Variants in SLC6A15 observed in about 807,000 individuals in gnomAD.
SLC6A15 encodes solute carrier family 6 member 15, also known as sodium-dependent neutral amino acid transporter B(0)AT2.
SLC6A15 carries 33 observed loss-of-function variants against 68.5 expected under a neutral mutation model. The ratio of observed to expected loss-of-function variants is 0.48; its 90% CI spans 0.37 to 0.64. The LOEUF is 0.64. Ranked by LOEUF, SLC6A15 falls within the 30% of genes least tolerant of loss-of-function variation. The pLI is 0.00. For missense variants in SLC6A15, 747 were observed against 874.3 expected, an observed-to-expected ratio of 0.85 and a Z score of 1.84; for synonymous variants, 347 against 301.0, an observed-to-expected ratio of 1.15 and a Z score of -1.58.
chr12:84,898,746 G>A (rs1267832362), intron 1 of SLC6A15, among the ~76,000 whole-genome samples: 1 of 152,134 alleles, frequency 6.6e-6, no homozygotes, highest in Non-Finnish European at 1.5e-5. Flanking sequence ...CTGATTTGTT[G>A]TAGATGCTTC....
intron 1 of SLC6A15, among the ~76,000 whole-genome samples, chr12:84,894,864 A>T (rs1346189634): frequency 1.3e-5 from 2 of 152,074 alleles, no homozygotes; most frequent in Non-Finnish European, 2.9e-5. Flanking sequence ...ATTATATCAT[A>T]AACACTTTGA....
At chr12:84,867,654 T>TATAATACATATTATAA (rs1871117960) in intron 9 of SLC6A15, 1 of 152,162 alleles carries the variant, frequency 6.6e-6, no homozygotes, top group Admixed American at 6.5e-5. Context: ...TATTATGAAA[T>TATAATACATATTATAA]ATACATATTA....
intron 2 of SLC6A15, 116 bp from the exon 3 acceptor site, chr12:84,886,184 G>T: frequency 1.7e-6 from 1 of 578,266 alleles, no homozygotes; most frequent in Non-Finnish European, 2.7e-6. Flanking sequence ...ATTATGGAGA[G>T]CTCTGAAGAA....
chr12:84,875,683 TATATATATATATATATG>T (rs1489753811), intron 6 of SLC6A15, among the ~76,000 whole-genome samples: 4,697 of 8,528 alleles, frequency 0.55, 727 homozygotes, highest in East Asian at 0.72. Flanking sequence ...TATATATATA[TATATATATATATATATG>T]AGAATCAAAA....
chr12:84,887,823 T>C (rs1165307351), intron 2 of SLC6A15, among the ~76,000 whole-genome samples: 1 of 152,110 alleles, frequency 6.6e-6, no homozygotes, highest in African/African-American at 2.4e-5. Context: ...CAAATTCTTC[T>C]ATAGAAAACA....
chr12:84,877,841 A>AT (rs375496003), intron 5 of SLC6A15, among the ~76,000 whole-genome samples: 1 of 152,028 alleles, frequency 6.6e-6, no homozygotes, highest in Non-Finnish European at 1.5e-5. Context: ...TTCTGTGTTT[A>AT]TTTTTTGTAT....
At chr12:84,869,222 G>A (rs1441821829) in intron 9 of SLC6A15, among the ~76,000 whole-genome samples, 48 of 152,004 alleles carry the variant, frequency 3.2e-4, no homozygotes, top group Non-Finnish European at 4.4e-5. Flanking sequence ...CACTTTGGGA[G>A]GCCAAGGCGG....
chr12:84,862,143 G>T, intron 11 of SLC6A15, 137 bp from the exon 12 acceptor site: 1 of 825,826 alleles, frequency 1.2e-6, no homozygotes. Context: ...GAAAGCAGTA[G>T]AAGTGACACT....
intron 1 of SLC6A15, among the ~76,000 whole-genome samples, chr12:84,893,920 G>A (rs1872530935): frequency 6.6e-6 from 1 of 152,132 alleles, no homozygotes; most frequent in Admixed American, 6.5e-5. Context: ...AATATTTTGA[G>A]TGATAGACAC....
At chr12:84,907,955 C>T (rs1463918949) in intron 1 of SLC6A15, among the ~76,000 whole-genome samples, 2 of 152,122 alleles carry the variant, frequency 1.3e-5, no homozygotes, top group African/African-American at 4.8e-5. Flanking sequence ...TGTATGATTA[C>T]ATTTATATAA....
chr12:84,862,032 T>C, intron 11 of SLC6A15, 26 bp from the exon 12 acceptor site: 2 of 1,536,442 alleles, frequency 1.3e-6, no homozygotes, highest in Non-Finnish European at 8.7e-7. Flanking sequence ...ATAATAATTA[T>C]TAGTAATCTA....
At position 84,875,272 on chromosome 12, in the gene SLC6A15, G is replaced by T. The variant is rs570401970; in HGVS notation, c.867+1225C>A. Among the ~76,000 whole-genome samples, 14 of 151,730 alleles carry T rather than the reference G, an allele frequency of 9.2e-5. No homozygotes were observed. The South Asian group carries it at 2.7e-3, about 29-fold the overall frequency. On this transcript the variant is annotated intron_variant, in intron 6 of 11. Coordinates refer to ENST00000266682, the MANE Select transcript of SLC6A15 (RefSeq NM_182767.6). Reference sequence around the variant, plus strand: ...TGTAGCAGATTTAAATTATAGTGTGGCTGAAACTCGTAAATCTTAACTAGT... The same window carrying T: ...TGTAGCAGATTTAAATTATAGTGTGTCTGAAACTCGTAAATCTTAACTAGT...
intron 4 of SLC6A15, among the ~76,000 whole-genome samples, chr12:84,884,554 C>T (rs977361064): frequency 2.0e-5 from 3 of 152,084 alleles, no homozygotes; most frequent in African/African-American, 7.2e-5. Context: ...GCTCTACCTG[C>T]CTCGACCTCC....
At chr12:84,911,109 G>A (rs1418748629) in intron 1 of SLC6A15, among the ~76,000 whole-genome samples, 1 of 152,140 alleles carries the variant, frequency 6.6e-6, no homozygotes, top group Non-Finnish European at 1.5e-5. Flanking sequence ...CAGAAATGAG[G>A]TTGGGTGGGT....
chr12:84,883,070 CAG>C (rs1871898516), intron 5 of SLC6A15: 2 of 981,080 alleles, frequency 2.0e-6, no homozygotes, highest in Non-Finnish European at 2.4e-6. Flanking sequence ...AGTTAAACGG[CAG>C]AGAGAAGAGC....
rs67339994 is a variant in SLC6A15, at chr12:84,895,339, ATTTTTTT to A, written c.-188-3038_-188-3032del. Among the ~76,000 whole-genome samples, 546 of 54,762 alleles carry A rather than the reference ATTTTTTT, an allele frequency of 1.0e-2. 4 individuals carry two copies. The highest frequency in any genetic ancestry group is 0.037 in the Middle Eastern group (2 of 54). 35.9% of individuals were successfully genotyped at this position (54,762 alleles called of 152,430 possible). On this transcript the variant is annotated intron_variant, in intron 1 of 11. Coordinates refer to ENST00000266682, the MANE Select transcript of SLC6A15 (RefSeq NM_182767.6). The stretch of plus-strand genomic sequence containing the variant: ...CTTAGATGTTTTCATTTTTGTTTGT[ATTTTTTT>A]TTTTTTTTTTTTTTTTTTTTTGAGA...
At chr12:84,881,891 C>T (rs1372717678) in intron 5 of SLC6A15, 1 of 985,258 alleles carries the variant, frequency 1.0e-6, no homozygotes, top group Non-Finnish European at 1.2e-6. Context: ...GCTCACATTA[C>T]CTACAGCTAG....
chr12:84,898,614 T>C (rs879334797), intron 1 of SLC6A15, among the ~76,000 whole-genome samples: 3 of 152,184 alleles, frequency 2.0e-5, no homozygotes, highest in Non-Finnish European at 4.4e-5. Context: ...ATTTATAAAA[T>C]GAGAACAATA....
intron 5 of SLC6A15, chr12:84,882,055 A>G: frequency 1.0e-6 from 1 of 985,286 alleles, no homozygotes; most frequent in Non-Finnish European, 1.2e-6. Flanking sequence ...ACATGAGAAG[A>G]ACAACCCCAA....
Sources: gnomAD v4.1 joint callset for allele counts (sites outside exome capture counted in the v4.1 genomes callset) on GRCh38, gnomAD v4.1.1 for gene constraint, MANE v1.5 for transcripts, NCBI Gene and HGNC (gene_info 2026-07-23, HGNC 2026-07-21) for gene names.